The following CPQ variants were observed in gnomAD, a reference collection of about 807,000 sequenced individuals.
CPQ encodes the protein carboxypeptidase Q.
In CPQ, 37 loss-of-function variants were observed where a neutral mutation model predicts 45.7. The observed-to-expected ratio is 0.81, with a 90% CI of 0.62 to 1.07. The LOEUF (loss-of-function observed/expected upper bound fraction) is 1.07. Ranked by LOEUF, CPQ falls within the 50% of genes least tolerant of loss-of-function variation. The pLI is 0.00. For synonymous variants in CPQ, 186 were observed against 205.8 expected (o/e 0.90, Z 0.82); for missense variants, 537 against 572.9 (o/e 0.94, Z 0.64).
chr8:96,928,284 A>G (rs895677164), intron 4 of CPQ, among the ~76,000 whole-genome samples: 18 of 151,996 alleles, frequency 1.2e-4, no homozygotes, highest in Middle Eastern at 3.4e-3. Context: ...AATTAAATTA[A>G]ATGGAGTTAA....
intron 2 of CPQ, among the ~76,000 whole-genome samples, chr8:96,800,533 G>T (rs1810992246): frequency 6.6e-6 from 1 of 152,142 alleles, no homozygotes; most frequent in African/African-American, 2.4e-5. Context: ...ATTCAAGGAT[G>T]ATTATTATAG....
chr8:96,924,065 G>A (rs928380164), intron 4 of CPQ, among the ~76,000 whole-genome samples: 4 of 152,184 alleles, frequency 2.6e-5, no homozygotes, highest in African/African-American at 9.6e-5. Context: ...TAGTACTGGA[G>A]AGAGCCTTCA....
At chr8:97,059,291 T>C (rs775674549) in intron 6 of CPQ, among the ~76,000 whole-genome samples, 21 of 152,104 alleles carry the variant, frequency 1.4e-4, no homozygotes, top group Non-Finnish European at 2.5e-4. Context: ...GGCTAAACCA[T>C]AGTAGGAGTG....
intron 4 of CPQ, among the ~76,000 whole-genome samples, chr8:96,902,446 T>C (rs1026880641): frequency 6.6e-6 from 1 of 152,204 alleles, no homozygotes; most frequent in Non-Finnish European, 1.5e-5. Flanking sequence ...ATATTACTTA[T>C]TTCTCATGTA....
chr8:96,843,585 AT>A (rs1811645663), intron 3 of CPQ, among the ~76,000 whole-genome samples: 1 of 151,972 alleles, frequency 6.6e-6, no homozygotes, highest in East Asian at 1.9e-4. Flanking sequence ...CCCTTTTTGG[AT>A]TGGCAATTCT....
chr8:96,797,855 T>G (rs943103618), intron 2 of CPQ, among the ~76,000 whole-genome samples: 1 of 152,114 alleles, frequency 6.6e-6, no homozygotes, highest in South Asian at 2.1e-4. Flanking sequence ...ATCAAGACCA[T>G]CCTGGCTAGT....
intron 4 of CPQ, among the ~76,000 whole-genome samples, chr8:96,886,044 G>T (rs901165476): frequency 1.3e-5 from 2 of 152,022 alleles, no homozygotes; most frequent in African/African-American, 4.8e-5. Flanking sequence ...AGCAGAATAG[G>T]GGTAATATAT....
At chr8:96,754,901 T>G (rs2130787817) in intron 1 of CPQ, among the ~76,000 whole-genome samples, 1 of 152,106 alleles carries the variant, frequency 6.6e-6, no homozygotes, top group East Asian at 1.9e-4. Context: ...AGAACTTTGT[T>G]GATTTAAAAA....
chr8:96,912,756 TAG>T (rs1425398343), intron 4 of CPQ, among the ~76,000 whole-genome samples: 1 of 152,196 alleles, frequency 6.6e-6, no homozygotes, highest in South Asian at 2.1e-4. Context: ...GCTGGAGGCT[TAG>T]AGTCTTTAAA....
At chr8:96,758,563 G>A (rs372622679) in intron 1 of CPQ, among the ~76,000 whole-genome samples, 116 of 152,256 alleles carry the variant, frequency 7.6e-4, no homozygotes, top group African/African-American at 2.6e-3. Flanking sequence ...GTACATATGC[G>A]TGCATGATTT....
chr8:96,787,283 G>A (rs2130810952), intron 2 of CPQ, among the ~76,000 whole-genome samples: 1 of 151,952 alleles, frequency 6.6e-6, no homozygotes, highest in Admixed American at 6.6e-5. Flanking sequence ...TTTTGAATGT[G>A]GTCATTCAGT....
chr8:97,040,799 C>A (rs142639683), intron 6 of CPQ, among the ~76,000 whole-genome samples: 2 of 152,156 alleles, frequency 1.3e-5, no homozygotes, highest in African/African-American at 2.4e-5. Context: ...GTTGAAGATA[C>A]GTGGCATTAT....
chr8:96,681,507 G>T (rs1809151775), intron 1 of CPQ, among the ~76,000 whole-genome samples: 1 of 152,232 alleles, frequency 6.6e-6, no homozygotes, highest in South Asian at 2.1e-4. Context: ...TTCAGAGGAT[G>T]TATAGAAATG....
At chr8:96,652,855 C>T (rs1815592961) in intron 1 of CPQ, among the ~76,000 whole-genome samples, 1 of 152,164 alleles carries the variant, frequency 6.6e-6, no homozygotes, top group African/African-American at 2.4e-5. Context: ...AGGATTGTCT[C>T]GATCTCCTGA....
chr8:96,870,171 T>C (rs1012815004), intron 3 of CPQ, among the ~76,000 whole-genome samples: 1 of 151,934 alleles, frequency 6.6e-6, no homozygotes, highest in African/African-American at 2.4e-5. Context: ...TATATATTTT[T>C]TTGGTATGAT....
intron 7 of CPQ, among the ~76,000 whole-genome samples, chr8:97,112,443 G>A (rs1250133342): frequency 6.6e-6 from 1 of 152,166 alleles, no homozygotes; most frequent in East Asian, 1.9e-4. Flanking sequence ...GAAGCCATGA[G>A]GGTGGCATGG....
At chr8:96,932,298 A>G (rs1812984856) in intron 4 of CPQ, among the ~76,000 whole-genome samples, 1 of 152,166 alleles carries the variant, frequency 6.6e-6, no homozygotes, top group Admixed American at 6.5e-5. Flanking sequence ...TATTATTCCT[A>G]TGTGCATTTT....
intron 2 of CPQ, among the ~76,000 whole-genome samples, chr8:96,788,988 A>T (rs1026690208): frequency 1.3e-5 from 2 of 152,096 alleles, no homozygotes; most frequent in Non-Finnish European, 2.9e-5. Flanking sequence ...TCTTTTTAAA[A>T]AATAATTTCT....
chr8:96,695,148 T>C (rs1809358275), intron 1 of CPQ, among the ~76,000 whole-genome samples: 2 of 149,602 alleles, frequency 1.3e-5, no homozygotes, highest in Middle Eastern at 3.4e-3. Flanking sequence ...TATCTACAAC[T>C]ATCTGATCTT....
Sources: allele counts gnomAD v4.1 joint callset (sites outside exome capture counted in the v4.1 genomes callset), GRCh38; gene constraint gnomAD v4.1.1; transcripts MANE v1.5; gene names NCBI Gene and HGNC (gene_info 2026-07-23, HGNC 2026-07-21).